The following CDH11 variants were observed in gnomAD, a reference collection of about 807,000 sequenced individuals.
CDH11 encodes the protein cadherin-11.
CDH11 carries 11 observed loss-of-function variants against 67.8 expected under a neutral mutation model. That is an observed-to-expected ratio of 0.16 (90% confidence interval 0.10 to 0.27). The LOEUF (loss-of-function observed/expected upper bound fraction) is 0.27, where lower values mean the gene tolerates loss of function less well. CDH11 is among the 10% of genes least tolerant of loss of function. The pLI is 1.00. For missense variants in CDH11, 847 were observed against 1,031.2 expected (o/e 0.82, Z 2.45); for synonymous variants, 419 against 400.0 (o/e 1.05, Z -0.57).
intron 1 of CDH11, among the ~76,000 whole-genome samples, chr16:65,116,189 G>A (rs7498210): frequency 0.87 from 132,624 of 152,210 alleles, 57,878 homozygotes; most frequent in East Asian, 1. Flanking sequence ...CAGGGTAGGT[G>A]TGAAGCAATT....
At chr16:64,992,280 T>C (rs1207366732) in intron 5 of CDH11, among the ~76,000 whole-genome samples, 2 of 152,188 alleles carry the variant, frequency 1.3e-5, no homozygotes, top group Admixed American at 6.5e-5. Context: ...TCCAGCACAA[T>C]CTTCTGTAAG....
At chr16:65,038,909 A>G (rs1236452161) in intron 2 of CDH11, among the ~76,000 whole-genome samples, 1 of 152,204 alleles carries the variant, frequency 6.6e-6, no homozygotes, top group Non-Finnish European at 1.5e-5. Flanking sequence ...GTGAGAGAAA[A>G]GAAGTGAGGA....
intron 4 of CDH11, 59 bp downstream of exon 4, chr16:64,998,503 C>G: frequency 6.5e-7 from 1 of 1,527,286 alleles, no homozygotes; most frequent in Non-Finnish European, 9.0e-7. Context: ...GGGCTTCAGC[C>G]CACCCACCAC....
chr16:65,036,141 T>C (rs2073749648), intron 2 of CDH11, among the ~76,000 whole-genome samples: 1 of 152,124 alleles, frequency 6.6e-6, no homozygotes, highest in Non-Finnish European at 1.5e-5. Context: ...ATTGCCATCT[T>C]ATAGGTGAAG....
rs991256888 is a variant in CDH11, at chr16:64,946,400, T to C, written c.*1203A>G. The C allele has an allele frequency of 2.1e-4, 213 of 1,035,970 alleles. No individual in the cohort carries two copies. The highest frequency in any genetic ancestry group is 2.3e-4 in the Non-Finnish European group (194 of 860,426). 64.2% of individuals were successfully genotyped at this position (1,035,970 alleles called of 1,614,324 possible). On this transcript the variant is annotated 3_prime_UTR_variant, in exon 13 of 13. Transcript: ENST00000268603. ...TATACCTGGAACATTAGAGTTCTGA[T>C]AGCTCCATTCCCTCATGGATTCATC...
chr16:65,028,616 C>T (rs562207787), intron 2 of CDH11, among the ~76,000 whole-genome samples: 41 of 152,286 alleles, frequency 2.7e-4, no homozygotes, highest in African/African-American at 4.8e-4. Flanking sequence ...GCTTACAAGA[C>T]GCAGCTAAAT....
intron 4 of CDH11, 120 bp downstream of exon 4, chr16:64,998,441 TA>T: frequency 2.1e-6 from 2 of 931,922 alleles, no homozygotes; most frequent in Non-Finnish European, 3.3e-6. Flanking sequence ...TTCCTTTTGT[TA>T]TTTTGCCATA....
intron 1 of CDH11, among the ~76,000 whole-genome samples, chr16:65,118,305 T>C (rs1221564446): frequency 2.6e-5 from 4 of 152,194 alleles, no homozygotes; most frequent in East Asian, 1.9e-4. Flanking sequence ...TTCCTGCTCA[T>C]AGGGGAGGCT....
rs79039979 is a variant in CDH11, at chr16:65,104,764, G to A, written c.-298+17116C>T. Among the ~76,000 whole-genome samples the A allele has an allele frequency of 1.2e-3, 184 of 152,246 alleles. 5 individuals are homozygous for A. The East Asian group carries it at 0.033, about 27-fold the overall frequency. ...AATAATGGTCCCCATTTATATTGCTGTTGTGAAGGCATAGCGAATTATGGA... is the reference window on the plus strand; with the variant it reads ...AATAATGGTCCCCATTTATATTGCTATTGTGAAGGCATAGCGAATTATGGA... On this transcript the variant is annotated intron_variant, in intron 1 of 12. Coordinates refer to ENST00000268603, the MANE Select transcript of CDH11 (RefSeq NM_001797.4).
chr16:65,026,014 A>T (rs1327259335), intron 2 of CDH11, among the ~76,000 whole-genome samples: 1 of 152,142 alleles, frequency 6.6e-6, no homozygotes, highest in Non-Finnish European at 1.5e-5. Context: ...TATGGGGTGA[A>T]AATGGAGCAA....
intron 1 of CDH11, among the ~76,000 whole-genome samples, chr16:65,058,394 C>T (rs1417057498): frequency 1.3e-5 from 2 of 152,148 alleles, no homozygotes; most frequent in Non-Finnish European, 2.9e-5. Flanking sequence ...AGAAGTTGAA[C>T]AACGGCCATC....
chr16:64,978,820 A>C, intron 8 of CDH11, among the ~76,000 whole-genome samples: 1 of 152,338 alleles, frequency 6.6e-6, no homozygotes, highest in South Asian at 2.1e-4. Flanking sequence ...GAAAGCTAAA[A>C]GCATAAAGTT....
At chr16:65,064,385 G>T (rs1410344901) in intron 1 of CDH11, among the ~76,000 whole-genome samples, 1 of 152,182 alleles carries the variant, frequency 6.6e-6, no homozygotes, top group East Asian at 1.9e-4. Flanking sequence ...TGCACATCAC[G>T]CTATTGTTTC....
At position 64,964,978 on chromosome 16, in the gene CDH11, T is replaced by C. The variant is rs564924908; in HGVS notation, c.1642+6601A>G. Among the ~76,000 whole-genome samples the C allele has an allele frequency of 3.4e-3, 513 of 152,224 alleles. 2 individuals are homozygous for C. Among genetic ancestry groups the C allele is most frequent in the African/African-American group, 0.012 (498 of 41,576 alleles). ...TTGTTACATATGTATACATGTGTCATGTTGGTGTGCTGCACCCATTAACTC... is the reference window on the plus strand; with the variant it reads ...TTGTTACATATGTATACATGTGTCACGTTGGTGTGCTGCACCCATTAACTC... On this transcript the variant is annotated intron_variant, in intron 11 of 12. Transcript: ENST00000268603.
chr16:65,051,518 T>C (rs577883036), intron 2 of CDH11, among the ~76,000 whole-genome samples: 25 of 152,186 alleles, frequency 1.6e-4, no homozygotes, highest in Non-Finnish European at 3.1e-4. Flanking sequence ...AGGATAAAAG[T>C]TATAGCACTA....
intron 11 of CDH11, among the ~76,000 whole-genome samples, chr16:64,966,582 A>G (rs2071834902): frequency 6.6e-6 from 1 of 152,084 alleles, no homozygotes; most frequent in Non-Finnish European, 1.5e-5. Context: ...GACAATAAAG[A>G]TACCCTTACA....
At chr16:64,955,774 G>T (rs2071491385) in intron 11 of CDH11, among the ~76,000 whole-genome samples, 4 of 152,122 alleles carry the variant, frequency 2.6e-5, no homozygotes, top group Admixed American at 6.5e-5. Context: ...TAGCTACTAT[G>T]GTCAGGAACT....
In CDH11 at chr16:64,945,302, A is replaced by T. The variant is rs1176018866; in HGVS notation, c.*2301T>A. 8 of 17,566 alleles carry T rather than the reference A, an allele frequency of 4.6e-4. No homozygotes were observed. Among genetic ancestry groups the T allele is most frequent in the African/African-American group, 6.3e-4 (1 of 1,598 alleles). The allele number at this position is 17,566 out of a possible 1,614,324, so 1.1% of individuals were successfully genotyped here. A position where few individuals can be genotyped will look rare whatever the true frequency, so the allele number is the denominator to read the frequency against. The stretch of plus-strand genomic sequence containing the variant: ...GAGGCTTAACGAAAAAATAAAAGGT[A>T]AAAAAAAAAAAAAAAAAGAAAAAGA... On this transcript the variant is annotated 3_prime_UTR_variant, in exon 13 of 13. Transcript: ENST00000268603.
intron 2 of CDH11, among the ~76,000 whole-genome samples, chr16:65,039,930 AT>A (rs1352396965): frequency 6.6e-6 from 1 of 152,256 alleles, no homozygotes; most frequent in African/African-American, 2.4e-5. Flanking sequence ...AAAAGAAGAC[AT>A]TTATGCAGCC....
Sources: allele counts gnomAD v4.1 joint callset (sites outside exome capture counted in the v4.1 genomes callset), GRCh38; gene constraint gnomAD v4.1.1; transcripts MANE v1.5; gene names NCBI Gene and HGNC (gene_info 2026-07-23, HGNC 2026-07-21).